GTF2E2: variants seen among roughly 807,000 people sequenced by gnomAD.
GTF2E2 encodes transcription initiation factor IIE subunit beta.
A neutral mutation model predicts 40.5 loss-of-function variants in GTF2E2; 21 were observed. The ratio of observed to expected loss-of-function variants is 0.52; its 90% CI spans 0.37 to 0.75. The LOEUF (loss-of-function observed/expected upper bound fraction) is 0.75. Ranked by LOEUF, GTF2E2 falls within the 30% of genes least tolerant of loss-of-function variation. The pLI is 0.00. For missense variants in GTF2E2, 298 were observed against 338.4 expected (o/e 0.88, Z 0.94); for synonymous variants, 117 against 121.6 (o/e 0.96, Z 0.25).
intron 6 of GTF2E2, among the ~76,000 whole-genome samples, chr8:30,604,009 C>T (rs1329233570): frequency 6.6e-6 from 1 of 152,032 alleles, no homozygotes; most frequent in Admixed American, 6.5e-5. Context: ...AGGACATAAG[C>T]AAATAAAACA....
At chr8:30,629,798 T>C (rs921192555) in intron 3 of GTF2E2, among the ~76,000 whole-genome samples, 3 of 151,888 alleles carry the variant, frequency 2.0e-5, no homozygotes, top group Non-Finnish European at 4.4e-5. Flanking sequence ...TCCCAGGTGA[T>C]GCTGATACTG....
chr8:30,616,975 G>C (rs1311177208), intron 3 of GTF2E2, among the ~76,000 whole-genome samples: 2 of 151,994 alleles, frequency 1.3e-5, no homozygotes, highest in Non-Finnish European at 2.9e-5. Context: ...TAATAAAAGA[G>C]GTTACCTGTA....
Position 30,607,156 on chromosome 8 carries a change from A to G in GTF2E2, c.550-6T>C. 1 of 1,167,068 alleles carries G rather than the reference A, an allele frequency of 8.6e-7. No homozygotes were observed. 72.3% of individuals were successfully genotyped at this position (1,167,068 alleles called of 1,614,324 possible). A position where few individuals can be genotyped will look rare whatever the true frequency, so the allele number is the denominator to read the frequency against. ...AGTATCTGGTCCCCCAAAGCCTTAA[A>G]GATAGATAAAATAAAGATTTTTCAG... is the stretch of plus-strand genomic sequence containing the variant. On this transcript the variant is annotated splice_region_variant and splice_polypyrimidine_tract_variant and intron_variant, in intron 5 of 7. Coordinates refer to ENST00000355904, the MANE Select transcript of GTF2E2 (RefSeq NM_002095.6).
chr8:30,588,328 T>C (rs1030644608), intron 6 of GTF2E2, among the ~76,000 whole-genome samples: 10 of 152,228 alleles, frequency 6.6e-5, no homozygotes, highest in Non-Finnish European at 1.2e-4. Context: ...TCTAAGTGTC[T>C]ATCAACAGAT....
rs992560188 is a variant in GTF2E2, at chr8:30,658,123, C to G, written c.-155G>C. 5.6e-6 allele frequency: 1 copy of G among 180,140 alleles called. No homozygotes were observed. Among genetic ancestry groups the G allele is most frequent in the Non-Finnish European group, 1.1e-5 (1 of 88,110 alleles). The allele number at this position is 180,140 out of a possible 1,614,324, so 11.2% of individuals were successfully genotyped here. ...CACGCCCAGCGCTGACCCGCCAGGTCGGGGTCTCACCACTGGCGGTGGCGG... is the reference window on the plus strand; with the variant it reads ...CACGCCCAGCGCTGACCCGCCAGGTGGGGGTCTCACCACTGGCGGTGGCGG... On this transcript the variant is annotated 5_prime_UTR_variant, in exon 1 of 8. Transcript: ENST00000355904.
intron 2 of GTF2E2, among the ~76,000 whole-genome samples, chr8:30,637,915 G>A (rs907300747): frequency 6.6e-6 from 1 of 152,184 alleles, no homozygotes; most frequent in Non-Finnish European, 1.5e-5. Flanking sequence ...CCTTCATTCT[G>A]TTGTGCTTAG....
intron 3 of GTF2E2, among the ~76,000 whole-genome samples, chr8:30,616,017 T>C (rs1293887147): frequency 1.3e-5 from 2 of 152,154 alleles, no homozygotes; most frequent in East Asian, 1.9e-4. Context: ...TATCAAGCTA[T>C]GAAAAAAACA....
chr8:30,631,775 T>C (rs1801443550), intron 3 of GTF2E2, among the ~76,000 whole-genome samples: 1 of 152,126 alleles, frequency 6.6e-6, no homozygotes, highest in Non-Finnish European at 1.5e-5. Context: ...AGATCAGAGA[T>C]CAGAAGATGC....
chr8:30,625,787 C>T (rs560979879), intron 3 of GTF2E2, among the ~76,000 whole-genome samples: 23 of 152,136 alleles, frequency 1.5e-4, no homozygotes, highest in South Asian at 1.5e-3. Flanking sequence ...TTATTAGAGA[C>T]GGGGTTTTGC....
chr8:30,639,821 C>CT (rs1801751130), intron 2 of GTF2E2, among the ~76,000 whole-genome samples: 1 of 151,484 alleles, frequency 6.6e-6, no homozygotes, highest in Admixed American at 6.6e-5. Flanking sequence ...TTCAGCTAGC[C>CT]TGAGCAAAGT....
intron 3 of GTF2E2, among the ~76,000 whole-genome samples, chr8:30,623,445 T>C (rs1355603954): frequency 2.6e-5 from 4 of 152,134 alleles, no homozygotes; most frequent in Admixed American, 6.5e-5. Flanking sequence ...CAGTCTATCA[T>C]TGTTGGACAT....
chr8:30,631,926 T>C (rs927902816), intron 3 of GTF2E2, among the ~76,000 whole-genome samples: 2 of 151,972 alleles, frequency 1.3e-5, no homozygotes, highest in African/African-American at 2.4e-5. Context: ...TGGGCAACAC[T>C]GAGAGACCCT....
In GTF2E2 at chr8:30,579,926, C is replaced by T. The variant is rs1392751376; in HGVS notation, c.759+355G>A. Among the ~76,000 whole-genome samples, 4 of 152,174 alleles carry T rather than the reference C, an allele frequency of 2.6e-5. No individual in the cohort carries two copies. In the East Asian group the frequency reaches 7.7e-4, roughly 29 times the overall value. ...TCACGGAGCAGGGGAGGGCCCCGTT[C>T]AAGTCTGAAAGGTTGTGCAGATCAA... On this transcript the variant is annotated intron_variant, in intron 7 of 7. Transcript: ENST00000355904.
intron 5 of GTF2E2, among the ~76,000 whole-genome samples, chr8:30,609,001 G>A (rs1393240075): frequency 2.6e-5 from 4 of 151,980 alleles, no homozygotes; most frequent in Non-Finnish European, 5.9e-5. Context: ...CACCCGCCTC[G>A]GCCTCCCAAA....
At chr8:30,630,219 T>C (rs762399325) in intron 3 of GTF2E2, among the ~76,000 whole-genome samples, 10 of 152,220 alleles carry the variant, frequency 6.6e-5, no homozygotes, top group Non-Finnish European at 1.2e-4. Flanking sequence ...TATGGTATGA[T>C]AGTAACCATC....
intron 2 of GTF2E2, chr8:30,645,392 A>G: frequency 6.5e-7 from 1 of 1,535,696 alleles, no homozygotes; most frequent in East Asian, 2.4e-5. Context: ...TACCCTTTCC[A>G]TGACAACTGG....
At chr8:30,614,795 C>CTGTATGTT (rs1800866260) in intron 3 of GTF2E2, 80 bp from the exon 4 acceptor site, 1 of 755,536 alleles carries the variant, frequency 1.3e-6, no homozygotes, top group Admixed American at 2.4e-5. Context: ...GTAAACAAAC[C>CTGTATGTT]TTCAGGAATG....
At chr8:30,628,460 G>A (rs1305517122) in intron 3 of GTF2E2, among the ~76,000 whole-genome samples, 1 of 152,182 alleles carries the variant, frequency 6.6e-6, no homozygotes, top group Non-Finnish European at 1.5e-5. Context: ...ACAACTTACT[G>A]ATTAGGTTAA....
chr8:30,648,140 GA>G (rs1299727551), intron 2 of GTF2E2, among the ~76,000 whole-genome samples: 4 of 152,148 alleles, frequency 2.6e-5, no homozygotes, highest in African/African-American at 9.7e-5. Context: ...AATATTCCAG[GA>G]AGAAGAAATA....
Sources: allele counts gnomAD v4.1 joint callset (sites outside exome capture counted in the v4.1 genomes callset), GRCh38; gene constraint gnomAD v4.1.1; transcripts MANE v1.5; gene names NCBI Gene and HGNC (gene_info 2026-07-23, HGNC 2026-07-21).